Variants in SORCS1 observed in about 807,000 individuals in gnomAD.
SORCS1 encodes sortilin related VPS10 domain containing receptor 1.
In SORCS1, 60 loss-of-function variants were observed where a neutral mutation model predicts 146.1. The ratio of observed to expected loss-of-function variants is 0.41; its 90% CI spans 0.33 to 0.51. SORCS1 has a LOEUF of 0.51. Ranked by LOEUF, SORCS1 falls within the 20% of genes least tolerant of loss-of-function variation. The probability of loss-of-function intolerance (pLI) is 0.21; values close to 1 mark genes in which losing one functional copy is unlikely to be tolerated. For missense variants in SORCS1, 1,352 were observed against 1,487.6 expected, an observed-to-expected ratio of 0.91 and a Z score of 1.50; for synonymous variants, 637 against 584.0, an observed-to-expected ratio of 1.09 and a Z score of -1.31.
chr10:106,997,897 C>G (rs1029185530), intron 1 of SORCS1, among the ~76,000 whole-genome samples: 1 of 152,162 alleles, frequency 6.6e-6, no homozygotes, highest in Non-Finnish European at 1.5e-5. Flanking sequence ...GGCCACTTCC[C>G]CTAGTGGGAG....
At position 106,613,854 on chromosome 10, in the gene SORCS1, C is replaced by T. The variant is rs530813150; in HGVS notation, c.2921-1831G>A. ...TCCAGGACCTGTACTTCCCTGTGCTCCTCAATCCTGCTGGCTCTGTCCATA... is the reference window on the plus strand; with the variant it reads ...TCCAGGACCTGTACTTCCCTGTGCTTCTCAATCCTGCTGGCTCTGTCCATA... On this transcript the variant is annotated intron_variant, in intron 21 of 25. Coordinates refer to ENST00000263054, the MANE Select transcript of SORCS1 (RefSeq NM_052918.5). 1.4e-4 allele frequency among the ~76,000 whole-genome samples: 21 copies of T among 152,176 alleles called. No homozygotes were observed. In the South Asian group the frequency reaches 3.9e-3, roughly 29 times the overall value.
Position 106,577,237 on chromosome 10 carries a change from G to C in SORCS1, c.*183C>G. ...GTCCTCCATTCAAACATTTACATAG[G>C]TAGGGATTTCTTTTGTGCTTTGATT... On this transcript the variant is annotated 3_prime_UTR_variant, in exon 26 of 26. Transcript: ENST00000263054. 5 of 1,591,542 alleles carry C rather than the reference G, an allele frequency of 3.1e-6. No homozygotes were observed. The highest frequency in any genetic ancestry group is 4.3e-6 in the Non-Finnish European group (5 of 1,166,356).
At chr10:106,953,747 T>C (rs552081974) in intron 2 of SORCS1, among the ~76,000 whole-genome samples, 25 of 152,218 alleles carry the variant, frequency 1.6e-4, no homozygotes, top group Non-Finnish European at 1.5e-5. Context: ...TGTAACATCA[T>C]GGTATTTGTG....
At chr10:106,705,769 C>G (rs1015485639) in intron 8 of SORCS1, among the ~76,000 whole-genome samples, 2 of 152,162 alleles carry the variant, frequency 1.3e-5, no homozygotes, top group African/African-American at 4.8e-5. Flanking sequence ...CACTAGGTGG[C>G]GCTCCATATT....
chr10:107,176,257 C>T, the SORCS1 span, among the ~76,000 whole-genome samples: 5 of 150,744 alleles, frequency 3.3e-5, no homozygotes, highest in Admixed American at 6.6e-5. Context: ...TCCTTCCTTC[C>T]TTCCTTTTCT....
intron 3 of SORCS1, among the ~76,000 whole-genome samples, chr10:106,810,693 C>T (rs886521163): frequency 6.6e-6 from 1 of 152,196 alleles, no homozygotes; most frequent in African/African-American, 2.4e-5. Context: ...TTATGAATTC[C>T]AGTCCCTACT....
chr10:106,682,169 C>A (rs1192548015), intron 10 of SORCS1, among the ~76,000 whole-genome samples: 4 of 152,042 alleles, frequency 2.6e-5, no homozygotes, highest in Non-Finnish European at 5.9e-5. Context: ...AACAAACAAA[C>A]AAACAAAACA....
At chr10:106,670,911 C>T (rs901360418) in intron 16 of SORCS1, among the ~76,000 whole-genome samples, 4 of 151,956 alleles carry the variant, frequency 2.6e-5, no homozygotes, top group African/African-American at 9.7e-5. Flanking sequence ...CCAGGCTGGT[C>T]CCAAACTCCT....
intron 3 of SORCS1, among the ~76,000 whole-genome samples, chr10:106,804,466 T>A (rs2136684701): frequency 6.6e-6 from 1 of 151,962 alleles, no homozygotes; most frequent in Non-Finnish European, 1.5e-5. Flanking sequence ...GGAAGAAACA[T>A]CGCTTAACCA....
chr10:107,036,653 T>C (rs1958920693), intron 1 of SORCS1, among the ~76,000 whole-genome samples: 4 of 152,098 alleles, frequency 2.6e-5, no homozygotes, highest in Admixed American at 2.6e-4. Context: ...TTAACAGAGA[T>C]TTCAACACGT....
At chr10:106,861,195 C>T (rs760198236) in intron 2 of SORCS1, among the ~76,000 whole-genome samples, 4 of 151,894 alleles carry the variant, frequency 2.6e-5, no homozygotes, top group Non-Finnish European at 5.9e-5. Context: ...CTCAGGAGTT[C>T]GCAACCAGCC....
chr10:106,785,460 C>A (rs1282272252), intron 3 of SORCS1, among the ~76,000 whole-genome samples: 1 of 152,140 alleles, frequency 6.6e-6, no homozygotes, highest in African/African-American at 2.4e-5. Context: ...ACATGTAATA[C>A]ATTTGTTTAC....
chr10:106,653,309 T>A (rs754834189), intron 17 of SORCS1, among the ~76,000 whole-genome samples: 5 of 152,184 alleles, frequency 3.3e-5, no homozygotes, highest in Non-Finnish European at 7.4e-5. Flanking sequence ...TATCTAGCCA[T>A]TATCGTTTTA....
chr10:106,746,690 G>A (rs533812919), intron 5 of SORCS1, among the ~76,000 whole-genome samples: 13 of 152,286 alleles, frequency 8.5e-5, no homozygotes, highest in East Asian at 1.9e-4. Context: ...GACAGCCAGC[G>A]TTCTTATTTA....
chr10:107,109,521 C>T (rs911844715), intron 1 of SORCS1, among the ~76,000 whole-genome samples: 1 of 152,172 alleles, frequency 6.6e-6, no homozygotes. Flanking sequence ...AGCAGCATCC[C>T]AATGGTGTGG....
rs147894857 is a variant in SORCS1 at position 106,729,835 on chromosome 10, G to A, written c.1024+215C>T. Among the ~76,000 whole-genome samples the A allele has an allele frequency of 6.1e-3, 934 of 152,164 alleles. 14 individuals carry two copies. The highest frequency in any genetic ancestry group is 0.01 in the Non-Finnish European group (688 of 68,008). ...TTATTGCCACTGTGCCACTGTGCCT[G>A]CCTACCTATCCTTAGCTCTTCCGAA... On this transcript the variant is annotated intron_variant, in intron 6 of 25. Transcript: ENST00000263054.
intron 2 of SORCS1, among the ~76,000 whole-genome samples, chr10:106,841,799 G>C (rs771186536): frequency 7.9e-5 from 12 of 152,044 alleles, no homozygotes; most frequent in Non-Finnish European, 1.6e-4. Flanking sequence ...CCCTTTGTCT[G>C]GGTGCACCAT....
intron 1 of SORCS1, among the ~76,000 whole-genome samples, chr10:107,076,593 C>T (rs1962901007): frequency 6.6e-6 from 1 of 152,142 alleles, no homozygotes; most frequent in Admixed American, 6.6e-5. Flanking sequence ...GTTGTTTATT[C>T]ACATGGTTCA....
intron 2 of SORCS1, among the ~76,000 whole-genome samples, chr10:106,883,151 A>C (rs1950868627): frequency 6.6e-6 from 1 of 152,156 alleles, no homozygotes; most frequent in East Asian, 1.9e-4. Flanking sequence ...GATGGTTTTC[A>C]ATTTGATTTG....
Sources: allele counts gnomAD v4.1 joint callset (sites outside exome capture counted in the v4.1 genomes callset), GRCh38; gene constraint gnomAD v4.1.1; transcripts MANE v1.5; gene names NCBI Gene and HGNC (gene_info 2026-07-23, HGNC 2026-07-21).